The following NPAS3 variants were observed in gnomAD, a reference collection of about 807,000 sequenced individuals.
NPAS3 encodes neuronal PAS domain-containing protein 3.
NPAS3 carries 14 observed loss-of-function variants against 73.1 expected under a neutral mutation model. The ratio of observed to expected loss-of-function variants is 0.19; its 90% CI spans 0.13 to 0.30. The LOEUF (loss-of-function observed/expected upper bound fraction) is 0.30, where lower values mean the gene tolerates loss of function less well. Among genes scored for constraint, NPAS3 ranks in the 10% least tolerant of loss-of-function variants. The pLI is 1.00. For missense variants in NPAS3, 1,096 were observed against 1,250.0 expected, an observed-to-expected ratio of 0.88 and a Z score of 1.86; for synonymous variants, 620 against 541.5, an observed-to-expected ratio of 1.14 and a Z score of -2.01.
At chr14:33,598,124 G>A (rs2057299175) in intron 5 of NPAS3, among the ~76,000 whole-genome samples, 1 of 152,166 alleles carries the variant, frequency 6.6e-6, no homozygotes, top group Admixed American at 6.5e-5. Context: ...AACTCAGTAG[G>A]AGGCACATTC....
downstream of NPAS3, chr14:33,801,883 G>A (rs1030424208): frequency 6.6e-6 from 1 of 151,874 alleles, no homozygotes; most frequent in African/African-American, 2.4e-5. Flanking sequence ...AATGTGTTCT[G>A]TCCTGGTCTG....
chr14:33,442,965 TTC>T (rs1184468155), intron 4 of NPAS3, among the ~76,000 whole-genome samples: 1 of 152,170 alleles, frequency 6.6e-6, no homozygotes, highest in Non-Finnish European at 1.5e-5. Context: ...CTTACCTGAG[TTC>T]TCTCTCTCAA....
intron 1 of NPAS3, among the ~76,000 whole-genome samples, chr14:32,967,704 T>C (rs1374147762): frequency 6.6e-6 from 1 of 150,960 alleles, no homozygotes; most frequent in Non-Finnish European, 1.5e-5. Context: ...CTGGCAAGGA[T>C]GTAGAGAAAG....
chr14:33,294,044 A>G (rs2042199286), intron 3 of NPAS3, among the ~76,000 whole-genome samples: 2 of 152,210 alleles, frequency 1.3e-5, no homozygotes, highest in Non-Finnish European at 2.9e-5. Context: ...AGGCTGAATA[A>G]GATGGTACCA....
At chr14:33,466,209 CCTGGTAAAG>C (rs2050519283) in intron 4 of NPAS3, among the ~76,000 whole-genome samples, 1 of 152,000 alleles carries the variant, frequency 6.6e-6, no homozygotes, top group South Asian at 2.1e-4. Flanking sequence ...GGGTGTGAAA[CCTGGTAAAG>C]GCAGGGCTAG....
At chr14:33,360,630 A>AC (rs1441344318) in intron 3 of NPAS3, among the ~76,000 whole-genome samples, 2 of 152,058 alleles carry the variant, frequency 1.3e-5, no homozygotes, top group African/African-American at 2.4e-5. Context: ...CTAAAGTCCC[A>AC]CCCCCCAAAA....
In NPAS3 at chr14:33,445,820, A is replaced by T. The variant is rs183334331; in HGVS notation, c.468+78552A>T. 1.4e-3 allele frequency among the ~76,000 whole-genome samples: 209 copies of T among 152,176 alleles called. 2 individuals are homozygous for T. The highest frequency in any genetic ancestry group is 4.8e-3 in the African/African-American group (199 of 41,534). ...GTTACCCATGTTGAATAACCAACCC[A>T]TTGTTTAGGAGACAGTCACCAGCTG... is the stretch of plus-strand genomic sequence containing the variant. On this transcript the variant is annotated intron_variant, in intron 4 of 11. Coordinates refer to ENST00000356141, the Ensembl canonical transcript of NPAS3.
chr14:33,203,364 G>A (rs2046693557), intron 2 of NPAS3, among the ~76,000 whole-genome samples: 1 of 151,990 alleles, frequency 6.6e-6, no homozygotes, highest in African/African-American at 2.4e-5. Flanking sequence ...TTAAGTTTTA[G>A]GGTATATGTG....
At chr14:33,092,070 A>G (rs1326183761) in intron 2 of NPAS3, among the ~76,000 whole-genome samples, 1 of 152,232 alleles carries the variant, frequency 6.6e-6, no homozygotes, top group African/African-American at 2.4e-5. Flanking sequence ...CAAGACAGGG[A>G]TGCCCTCTCT....
chr14:33,339,795 A>C (rs911441128), intron 3 of NPAS3, among the ~76,000 whole-genome samples: 1 of 152,322 alleles, frequency 6.6e-6, no homozygotes, highest in Non-Finnish European at 1.5e-5. Context: ...GTAGCATTTC[A>C]GTTCTTTGTT....
chr14:33,536,414 G>T (rs954288458), intron 4 of NPAS3, among the ~76,000 whole-genome samples: 2 of 152,202 alleles, frequency 1.3e-5, no homozygotes, highest in Non-Finnish European at 2.9e-5. Flanking sequence ...CATAATTTAT[G>T]ACTGTGCAGA....
chr14:33,283,850 C>T (rs2041736108), intron 3 of NPAS3, among the ~76,000 whole-genome samples: 1 of 152,104 alleles, frequency 6.6e-6, no homozygotes, highest in Admixed American at 6.6e-5. Flanking sequence ...TCTCTATGGT[C>T]CTATAAAGGA....
intron 2 of NPAS3, among the ~76,000 whole-genome samples, chr14:33,119,528 AT>A (rs2043166688): frequency 6.6e-6 from 1 of 152,036 alleles, no homozygotes; most frequent in Non-Finnish European, 1.5e-5. Context: ...TTTAGTCTTG[AT>A]TTGTACTACA....
chr14:33,258,891 G>T (rs1424213161), intron 3 of NPAS3, among the ~76,000 whole-genome samples: 1 of 152,160 alleles, frequency 6.6e-6, no homozygotes, highest in African/African-American at 2.4e-5. Context: ...CCTGCTCACT[G>T]CAAGCTCCGC....
chr14:32,976,902 A>G (rs2037701139), intron 1 of NPAS3, among the ~76,000 whole-genome samples: 3 of 152,174 alleles, frequency 2.0e-5, no homozygotes, highest in Admixed American at 2.0e-4. Context: ...ACCTTCTAGT[A>G]ACGGTGACTC....
At chr14:33,715,826 T>A (rs368054755) in intron 6 of NPAS3, among the ~76,000 whole-genome samples, 2 of 152,188 alleles carry the variant, frequency 1.3e-5, no homozygotes, top group East Asian at 3.9e-4. Context: ...GAGTGGGTTT[T>A]TCCTGCGCTG....
At chr14:33,637,968 A>G (rs1359787529) in intron 5 of NPAS3, among the ~76,000 whole-genome samples, 1 of 152,188 alleles carries the variant, frequency 6.6e-6, no homozygotes, top group East Asian at 1.9e-4. Flanking sequence ...TGTGTCTCCT[A>G]TGAAGTGATC....
chr14:33,115,193 G>A (rs1345417222), intron 2 of NPAS3, among the ~76,000 whole-genome samples: 2 of 152,162 alleles, frequency 1.3e-5, no homozygotes, highest in African/African-American at 4.8e-5. Flanking sequence ...GTAGACTGTG[G>A]ACTGAAAGAA....
At chr14:33,177,421 A>G (rs1303540263) in intron 2 of NPAS3, among the ~76,000 whole-genome samples, 2 of 152,082 alleles carry the variant, frequency 1.3e-5, no homozygotes, top group African/African-American at 4.8e-5. Context: ...TTATAGTCTT[A>G]TCTAATATGT....
Sources: allele counts gnomAD v4.1 joint callset (sites outside exome capture counted in the v4.1 genomes callset), GRCh38; gene constraint gnomAD v4.1.1; transcripts MANE v1.5; gene names NCBI Gene and HGNC (gene_info 2026-07-23, HGNC 2026-07-21).